OXR1: variants seen among roughly 807,000 people sequenced by gnomAD.
OXR1 encodes oxidation resistance protein 1.
A neutral mutation model predicts 104.6 loss-of-function variants in OXR1; 41 were observed. That is an observed-to-expected ratio of 0.39 (90% CI 0.31 to 0.51). The LOEUF (loss-of-function observed/expected upper bound fraction) is 0.51. OXR1 is among the 20% of genes least tolerant of loss of function. The pLI, the probability that OXR1 is intolerant of heterozygous loss-of-function variation, is 0.77. For synonymous variants in OXR1, 348 were observed against 348.4 expected, an observed-to-expected ratio of 1.00 and a Z score of 0.01; for missense variants, 955 against 1,031.9, an observed-to-expected ratio of 0.93 and a Z score of 1.02.
intron 1 of OXR1, among the ~76,000 whole-genome samples, chr8:106,326,568 G>T (rs1814476993): frequency 6.6e-6 from 1 of 152,178 alleles, no homozygotes; most frequent in African/African-American, 2.4e-5. Context: ...TTTCAGCTTT[G>T]CCGCAGGGCA....
At chr8:106,481,599 AG>A (rs1394280522) in intron 2 of OXR1, among the ~76,000 whole-genome samples, 1 of 152,048 alleles carries the variant, frequency 6.6e-6, no homozygotes, top group Non-Finnish European at 1.5e-5. Context: ...TATTAAAATG[AG>A]CTATGGAGAA....
intron 10 of OXR1, among the ~76,000 whole-genome samples, chr8:106,713,282 A>G (rs1831887792): frequency 6.6e-6 from 1 of 151,972 alleles, no homozygotes; most frequent in African/African-American, 2.4e-5. Flanking sequence ...GAATGTAACA[A>G]CTGGCTTTAG....
rs1420799878 is a variant in OXR1, at chr8:106,706,705, G to T, written c.1184G>T (p.Arg395Ile). ...TCTACTGGTACTCCTGGTCACTTAA[G>T]ATCTGATACTGAACATTCTACAAAT... Reference protein sequence around the residue: ...SESTGTPGHLRSDTEHSTNEV... With the variant: ...SESTGTPGHLISDTEHSTNEV... The change falls in exon 9 of 17, where the codon AGA becomes ATA. Residue 395 changes from arginine to isoleucine, a missense_variant. By Grantham distance (97) the Arg-to-Ile change is moderately conservative. This residue lies in a region of OXR1 where 849 missense variants were observed against 852.9 expected (regional missense o/e 1.00). Transcript: ENST00000517566. 6.2e-7 allele frequency: 1 copy of T among 1,612,098 alleles called. No individual in the cohort carries two copies. Among genetic ancestry groups the T allele is most frequent in the Non-Finnish European group, 8.5e-7 (1 of 1,179,298 alleles).
chr8:106,745,984 GA>G (rs1424924808), intron 16 of OXR1, 122 bp downstream of exon 16: 1 of 590,812 alleles, frequency 1.7e-6, no homozygotes, highest in Non-Finnish European at 3.0e-6. Context: ...TGTATATTAT[GA>G]AAAAGAGAGT....
intron 11 of OXR1, among the ~76,000 whole-genome samples, chr8:106,722,893 A>C (rs568813777): frequency 2.0e-5 from 3 of 152,294 alleles, no homozygotes; most frequent in African/African-American, 7.2e-5. Context: ...TTTTATTAGC[A>C]TTTGGCACCC....
Position 106,511,086 on chromosome 8 carries a change from G to T in OXR1, c.24-7857G>T, listed in dbSNP as rs545505446. Among the ~76,000 whole-genome samples, 8 of 152,244 alleles carry T rather than the reference G, an allele frequency of 5.3e-5. No homozygotes were observed. In the East Asian group the frequency reaches 1.2e-3, roughly 22 times the overall value. ...ATTGGAATATTCTATACCCCCAAGG[G>T]ATTGTTTTCTTCTTTTAAAGCATAA... On this transcript the variant is annotated intron_variant, in intron 2 of 16. Coordinates refer to ENST00000517566, the MANE Select transcript of OXR1 (RefSeq NM_001198533.2).
intron 1 of OXR1, among the ~76,000 whole-genome samples, chr8:106,358,753 T>C (rs960443722): frequency 2.0e-5 from 3 of 152,124 alleles, no homozygotes; most frequent in Non-Finnish European, 4.4e-5. Context: ...ATTTGTTACA[T>C]ACATAACACC....
At chr8:106,558,897 A>G (rs1355225051) in intron 3 of OXR1, among the ~76,000 whole-genome samples, 1 of 152,208 alleles carries the variant, frequency 6.6e-6, no homozygotes, top group Non-Finnish European at 1.5e-5. Flanking sequence ...ACAAGCACAC[A>G]TTATATACAT....
intron 1 of OXR1, among the ~76,000 whole-genome samples, chr8:106,304,749 C>A (rs1255360539): frequency 6.6e-6 from 1 of 152,104 alleles, no homozygotes; most frequent in Non-Finnish European, 1.5e-5. Context: ...GGCTCAGTAG[C>A]CACATATGGC....
chr8:106,414,805 G>A (rs1338667014), intron 2 of OXR1, among the ~76,000 whole-genome samples: 2 of 152,090 alleles, frequency 1.3e-5, no homozygotes, highest in Non-Finnish European at 2.9e-5. Context: ...ATGTTGTAAA[G>A]GACTTTTCAA....
At chr8:106,283,558 T>C (rs954145952) in intron 1 of OXR1, among the ~76,000 whole-genome samples, 1 of 152,206 alleles carries the variant, frequency 6.6e-6, no homozygotes, top group Non-Finnish European at 1.5e-5. Flanking sequence ...ACTTTATTTA[T>C]TCTAAGGGCT....
chr8:106,675,408 A>G (rs1234285960), intron 3 of OXR1, among the ~76,000 whole-genome samples: 1 of 152,180 alleles, frequency 6.6e-6, no homozygotes, highest in East Asian at 1.9e-4. Context: ...ATTTTCAAGC[A>G]TATATGGGGC....
At chr8:106,492,962 A>G (rs1811192073) in intron 2 of OXR1, among the ~76,000 whole-genome samples, 1 of 152,194 alleles carries the variant, frequency 6.6e-6, no homozygotes, top group Admixed American at 6.5e-5. Flanking sequence ...TTTTTCTAAA[A>G]TGCATTGTGG....
At position 106,279,200 on chromosome 8, in the gene OXR1, A is replaced by T. The variant is rs118183991; in HGVS notation, c.-139+8833A>T. Among the ~76,000 whole-genome samples, 45 of 152,336 alleles carry T rather than the reference A, an allele frequency of 3.0e-4. No individual in the cohort carries two copies. The East Asian group carries it at 7.7e-3, about 26-fold the overall frequency. The stretch of plus-strand genomic sequence containing the variant: ...TTACATTGGTGGGTGTATAACAGAG[A>T]AAGCATAAAGTCATGTGAATGTTTC... On this transcript the variant is annotated intron_variant, in intron 1 of 16. Transcript: ENST00000517566.
rs888205811 is a variant in OXR1 at position 106,292,432 on chromosome 8, G to T, written c.-139+22065G>T. Among the ~76,000 whole-genome samples, 5 of 152,126 alleles carry T rather than the reference G, an allele frequency of 3.3e-5. No individual in the cohort carries two copies. The East Asian group carries it at 5.8e-4, about 18-fold the overall frequency. On this transcript the variant is annotated intron_variant, in intron 1 of 16. Transcript: ENST00000517566. Reference sequence around the variant, plus strand: ...GTGGTTGCACCTCAAAACTGCAAAAGTGATAGCCAGAGTGCGTGATGAGTG... The same window carrying T: ...GTGGTTGCACCTCAAAACTGCAAAATTGATAGCCAGAGTGCGTGATGAGTG...
chr8:106,630,273 T>C (rs1054005475), intron 3 of OXR1, among the ~76,000 whole-genome samples: 2 of 152,194 alleles, frequency 1.3e-5, no homozygotes, highest in African/African-American at 2.4e-5. Flanking sequence ...TCAAGGTTGT[T>C]GCAGAGATGA....
intron 2 of OXR1, among the ~76,000 whole-genome samples, chr8:106,486,924 C>G (rs1451259665): frequency 1.3e-5 from 2 of 151,664 alleles, no homozygotes; most frequent in Non-Finnish European, 2.9e-5. Flanking sequence ...AGTTTTTAAC[C>G]TGAAAAATTT....
intron 2 of OXR1, among the ~76,000 whole-genome samples, chr8:106,433,165 C>T: frequency 6.6e-6 from 1 of 152,086 alleles, no homozygotes; most frequent in East Asian, 1.9e-4. Context: ...TAGATAGGGG[C>T]TTGGGAAGTG....
At chr8:106,746,984 C>A (rs538961841) in intron 16 of OXR1, among the ~76,000 whole-genome samples, 1 of 152,198 alleles carries the variant, frequency 6.6e-6, no homozygotes, top group South Asian at 2.1e-4. Flanking sequence ...CATGATTTCA[C>A]CAAGCTAGAG....
Sources: gnomAD v4.1 joint callset for allele counts (sites outside exome capture counted in the v4.1 genomes callset) on GRCh38, gnomAD v4.1.1 for gene constraint, gnomAD v4.1.1 regional missense constraint, MANE v1.5 for transcripts, NCBI Gene and HGNC (gene_info 2026-07-23, HGNC 2026-07-21) for gene names.